The following GMDS variants were observed in gnomAD, a reference collection of about 807,000 sequenced individuals.
The protein encoded by GMDS is GDP-mannose 4,6 dehydratase.
A neutral mutation model predicts 49.9 loss-of-function variants in GMDS; 20 were observed. The observed-to-expected ratio is 0.40, with a 90% CI of 0.28 to 0.58. GMDS has a LOEUF of 0.58. Ranked by LOEUF, GMDS falls within the 20% of genes least tolerant of loss-of-function variation. The pLI, the probability that GMDS is intolerant of heterozygous loss-of-function variation, is 0.42. For missense variants in GMDS, 362 were observed against 481.4 expected, an observed-to-expected ratio of 0.75 and a Z score of 2.32; for synonymous variants, 177 against 178.6, an observed-to-expected ratio of 0.99 and a Z score of 0.07.
chr6:1,850,732 A>G (rs967974521), intron 7 of GMDS, among the ~76,000 whole-genome samples: 2 of 152,218 alleles, frequency 1.3e-5, no homozygotes, highest in Non-Finnish European at 2.9e-5. Context: ...TTATCCGGCG[A>G]TCTATTCCAG....
At chr6:1,683,470 G>T (rs999404273) in intron 9 of GMDS, among the ~76,000 whole-genome samples, 27 of 152,150 alleles carry the variant, frequency 1.8e-4, no homozygotes, top group African/African-American at 6.5e-4. Flanking sequence ...CTCAAGCCCT[G>T]TCATAATGGA....
intron 7 of GMDS, among the ~76,000 whole-genome samples, chr6:1,912,810 GAAT>G (rs1321625496): frequency 2.0e-5 from 3 of 152,118 alleles, no homozygotes; most frequent in Non-Finnish European, 4.4e-5. Flanking sequence ...AAAATCTGTA[GAAT>G]ATTACAACAT....
At chr6:1,662,499 G>A (rs55979945) in intron 9 of GMDS, among the ~76,000 whole-genome samples, 19,504 of 152,174 alleles carry the variant, frequency 0.13, 1,691 homozygotes, top group Non-Finnish European at 0.18. Context: ...GGAATCCAAG[G>A]ATTAGAGTTC....
At chr6:2,003,873 G>A (rs1244390482) in intron 4 of GMDS, among the ~76,000 whole-genome samples, 1 of 152,038 alleles carries the variant, frequency 6.6e-6, no homozygotes, top group African/African-American at 2.4e-5. Context: ...TGCTGTCTTT[G>A]CCCAAGACAG....
At chr6:2,121,760 G>A (rs1416051456) in intron 2 of GMDS, among the ~76,000 whole-genome samples, 1 of 152,138 alleles carries the variant, frequency 6.6e-6, no homozygotes, top group Non-Finnish European at 1.5e-5. Context: ...GTAAAGGAGT[G>A]CGTCTAACTG....
At chr6:1,772,623 A>G (rs1768625452) in intron 7 of GMDS, among the ~76,000 whole-genome samples, 1 of 152,236 alleles carries the variant, frequency 6.6e-6, no homozygotes, top group Non-Finnish European at 1.5e-5. Context: ...TATCTAGACT[A>G]GCAAAGCACG....
intron 4 of GMDS, among the ~76,000 whole-genome samples, chr6:2,107,403 T>C (rs1774304474): frequency 6.6e-6 from 1 of 152,190 alleles, no homozygotes. Context: ...CTGCCTACCC[T>C]GATGAATACA....
intron 4 of GMDS, among the ~76,000 whole-genome samples, chr6:2,003,097 AAGCTAAC>A (rs2127384547): frequency 6.6e-6 from 1 of 152,296 alleles, no homozygotes; most frequent in South Asian, 2.1e-4. Flanking sequence ...TATGTTACCT[AAGCTAAC>A]ATACTTGTAA....
intron 8 of GMDS, among the ~76,000 whole-genome samples, chr6:1,736,724 GAAT>G (rs1767013668): frequency 6.6e-6 from 1 of 152,192 alleles, no homozygotes; most frequent in South Asian, 2.1e-4. Flanking sequence ...AAAGGTTAGG[GAAT>G]AATACAGAGC....
At chr6:2,233,015 G>T (rs1488206348) in intron 1 of GMDS, among the ~76,000 whole-genome samples, 2 of 152,222 alleles carry the variant, frequency 1.3e-5, no homozygotes, top group African/African-American at 4.8e-5. Context: ...GGGAGTGACT[G>T]ATGAATGGGT....
rs1778272577 is a variant in GMDS at position 2,176,140 on chromosome 6, C to T, written c.103-51409G>A. ...TCTACAACCAGGGATGACTGCCTCCCCACATCAGTTACTTTTGCTGATTGA... is the reference window on the plus strand; with the variant it reads ...TCTACAACCAGGGATGACTGCCTCCTCACATCAGTTACTTTTGCTGATTGA... On this transcript the variant is annotated intron_variant, in intron 1 of 10. Coordinates refer to ENST00000380815, the MANE Select transcript of GMDS (RefSeq NM_001500.4). The T allele has an allele frequency of 6.9e-6, 4 of 579,924 alleles. No homozygotes were observed. In the South Asian group the frequency reaches 9.4e-5, roughly 14 times the overall value. The allele number at this position is 579,924 out of a possible 1,614,324, so 35.9% of individuals were successfully genotyped here.
At position 2,003,253 on chromosome 6, in the gene GMDS, T is replaced by C. The variant is rs72830110; in HGVS notation, c.346-42287A>G. ...AGCAGGAGGATGATGATACCATATA[T>C]TTATGTGGCATCAGAATCCCACTGA... is the stretch of plus-strand genomic sequence containing the variant. On this transcript the variant is annotated intron_variant, in intron 4 of 10. Coordinates refer to ENST00000380815, the MANE Select transcript of GMDS (RefSeq NM_001500.4). Among the ~76,000 whole-genome samples the C allele has an allele frequency of 9.1e-3, 1,385 of 152,290 alleles. 6 individuals are homozygous for C. Among genetic ancestry groups the C allele is most frequent in the Non-Finnish European group, 0.015 (1,020 of 68,026 alleles).
intron 9 of GMDS, among the ~76,000 whole-genome samples, chr6:1,675,806 T>C (rs1393437759): frequency 1.3e-5 from 2 of 149,166 alleles, no homozygotes; most frequent in Non-Finnish European, 3.0e-5. Context: ...TGAGCCGAGA[T>C]CACGCCACTG....
intron 9 of GMDS, among the ~76,000 whole-genome samples, chr6:1,706,515 CACT>C (rs1356507289): frequency 2.6e-5 from 4 of 152,160 alleles, no homozygotes; most frequent in Non-Finnish European, 4.4e-5. Flanking sequence ...CATACTTCAC[CACT>C]GTTTTCTTTT....
chr6:1,662,151 C>A (rs987190283), intron 9 of GMDS, among the ~76,000 whole-genome samples: 1 of 152,086 alleles, frequency 6.6e-6, no homozygotes, highest in African/African-American at 2.4e-5. Flanking sequence ...GTGTTCCAGA[C>A]CTTTACAGCA....
intron 1 of GMDS, among the ~76,000 whole-genome samples, chr6:2,155,447 C>A (rs972442172): frequency 6.6e-6 from 1 of 152,022 alleles, no homozygotes; most frequent in African/African-American, 2.4e-5. Flanking sequence ...TGTGGCTGAA[C>A]CTTGTGACCA....
chr6:2,035,698 A>T (rs1402507808), intron 4 of GMDS, among the ~76,000 whole-genome samples: 2 of 151,836 alleles, frequency 1.3e-5, no homozygotes, highest in Non-Finnish European at 2.9e-5. Context: ...TTATTTATTT[A>T]TTTTTTGAGA....
chr6:1,908,557 TAATTTC>T (rs989964873), intron 7 of GMDS, among the ~76,000 whole-genome samples: 10 of 152,236 alleles, frequency 6.6e-5, no homozygotes, highest in Admixed American at 1.3e-4. Flanking sequence ...GGCATAATTT[TAATTTC>T]ATCATTCCAG....
chr6:2,071,681 AT>A (rs1413770509), intron 4 of GMDS, among the ~76,000 whole-genome samples: 4 of 143,824 alleles, frequency 2.8e-5, no homozygotes, highest in East Asian at 1.9e-4. Flanking sequence ...GATACTTCAC[AT>A]TTAAAAAAAA....
Sources: allele counts gnomAD v4.1 joint callset (sites outside exome capture counted in the v4.1 genomes callset), GRCh38; gene constraint gnomAD v4.1.1; transcripts MANE v1.5; gene names NCBI Gene and HGNC (gene_info 2026-07-23, HGNC 2026-07-21).